Variants in SH3GL2 observed in about 807,000 individuals in gnomAD.
SH3GL2 encodes the protein endophilin-A1.
A neutral mutation model predicts 46.0 loss-of-function variants in SH3GL2; 24 were observed. That is an observed-to-expected ratio of 0.52 (90% CI 0.38 to 0.73). The LOEUF is 0.73. Among genes scored for constraint, SH3GL2 ranks in the 30% least tolerant of loss-of-function variants. The pLI is 0.00. For synonymous variants in SH3GL2, 196 were observed against 147.1 expected, an observed-to-expected ratio of 1.33 and a Z score of -2.40; for missense variants, 413 against 424.2, an observed-to-expected ratio of 0.97 and a Z score of 0.23.
chr9:17,637,391 C>A (rs570194014), intron 1 of SH3GL2, among the ~76,000 whole-genome samples: 19 of 152,184 alleles, frequency 1.2e-4, no homozygotes, highest in Admixed American at 1.2e-3. Context: ...CATTGAATTC[C>A]CATAAACGTC....
At chr9:17,620,291 C>T (rs1459927662) in intron 1 of SH3GL2, among the ~76,000 whole-genome samples, 2 of 152,142 alleles carry the variant, frequency 1.3e-5, no homozygotes, top group African/African-American at 4.8e-5. Flanking sequence ...ATCTGCTACG[C>T]ACCATACACT....
chr9:17,701,128 G>C (rs566748425), intron 1 of SH3GL2, among the ~76,000 whole-genome samples: 1 of 152,198 alleles, frequency 6.6e-6, no homozygotes, highest in East Asian at 1.9e-4. Context: ...TGAAAATGGA[G>C]TCACAAACCC....
At chr9:17,612,998 G>T (rs117969881) in intron 1 of SH3GL2, among the ~76,000 whole-genome samples, 2 of 152,054 alleles carry the variant, frequency 1.3e-5, no homozygotes, top group Admixed American at 6.5e-5. Context: ...ATCTTGTAGC[G>T]TGTATCAATG....
chr9:17,688,680 A>G (rs990131389), intron 1 of SH3GL2, among the ~76,000 whole-genome samples: 1 of 152,082 alleles, frequency 6.6e-6, no homozygotes, highest in Admixed American at 6.6e-5. Flanking sequence ...GAACATGCTG[A>G]TGGGAGTATG....
intron 1 of SH3GL2, among the ~76,000 whole-genome samples, chr9:17,665,713 G>C (rs2117920415): frequency 6.6e-6 from 1 of 151,758 alleles, no homozygotes; most frequent in East Asian, 1.9e-4. Context: ...GAATCAGCCA[G>C]TACTCTAAGG....
chr9:17,635,740 G>C (rs1794520327), intron 1 of SH3GL2, among the ~76,000 whole-genome samples: 1 of 152,154 alleles, frequency 6.6e-6, no homozygotes, highest in South Asian at 2.1e-4. Flanking sequence ...ATGTCTCTTG[G>C]AGTCAGCTGT....
chr9:17,695,647 C>A (rs1008047385), intron 1 of SH3GL2, among the ~76,000 whole-genome samples: 1 of 151,600 alleles, frequency 6.6e-6, no homozygotes, highest in Admixed American at 6.6e-5. Flanking sequence ...ATTGATGCTC[C>A]CGGGTGGTAG....
chr9:17,784,128 T>C (rs1476770688), intron 3 of SH3GL2, among the ~76,000 whole-genome samples: 1 of 152,172 alleles, frequency 6.6e-6, no homozygotes, highest in African/African-American at 2.4e-5. Flanking sequence ...TAGTAGGCTT[T>C]TTTTAATCAT....
At chr9:17,693,429 A>T (rs1159373370) in intron 1 of SH3GL2, among the ~76,000 whole-genome samples, 2 of 152,122 alleles carry the variant, frequency 1.3e-5, no homozygotes, top group African/African-American at 4.8e-5. Context: ...AGGAGTTGCC[A>T]TTACTTCTGT....
intron 1 of SH3GL2, among the ~76,000 whole-genome samples, chr9:17,692,971 G>A (rs75191686): frequency 6.6e-6 from 1 of 152,082 alleles, no homozygotes; most frequent in East Asian, 1.9e-4. Flanking sequence ...AGCAAGGGGA[G>A]AGACCAGCTA....
intron 1 of SH3GL2, among the ~76,000 whole-genome samples, chr9:17,723,375 A>G (rs1053805705): frequency 2.0e-5 from 3 of 152,158 alleles, no homozygotes; most frequent in Admixed American, 6.5e-5. Context: ...CTTCAGTATC[A>G]TGTACATGGT....
intron 1 of SH3GL2, among the ~76,000 whole-genome samples, chr9:17,691,435 C>T (rs75043199): frequency 0.023 from 3,451 of 152,110 alleles, 54 homozygotes; most frequent in Non-Finnish European, 0.034. Flanking sequence ...CTTAGAAAAA[C>T]GTACTTAGGA....
At chr9:17,632,036 T>C (rs901546286) in intron 1 of SH3GL2, among the ~76,000 whole-genome samples, 2 of 152,210 alleles carry the variant, frequency 1.3e-5, no homozygotes. Flanking sequence ...GGAAAGATTT[T>C]AAGATAGCTT....
intron 1 of SH3GL2, among the ~76,000 whole-genome samples, chr9:17,698,475 T>A (rs571856392): frequency 6.6e-6 from 1 of 152,318 alleles, no homozygotes; most frequent in East Asian, 1.9e-4. Flanking sequence ...CCTTGGAAAG[T>A]ATTTTTTTAA....
chr9:17,683,989 A>G (rs938209223), intron 1 of SH3GL2, among the ~76,000 whole-genome samples: 2 of 152,086 alleles, frequency 1.3e-5, no homozygotes, highest in Non-Finnish European at 2.9e-5. Context: ...CACAAATACT[A>G]CATACCTCAG....
At chr9:17,683,992 T>C (rs917445686) in intron 1 of SH3GL2, among the ~76,000 whole-genome samples, 1 of 152,112 alleles carries the variant, frequency 6.6e-6, no homozygotes, top group African/African-American at 2.4e-5. Context: ...AAATACTACA[T>C]ACCTCAGTCT....
rs144759576 is a variant in SH3GL2 at position 17,647,411 on chromosome 9, T to TTCTCTCTC, written c.45+68134_45+68141dup. ...GCCCTGTGACAGAGCTCTTGTTAGT[T>TTCTCTCTC]TCTCTCTCTCTCTCTCTGTCTCTCT... On this transcript the variant is annotated intron_variant, in intron 1 of 8. Coordinates refer to ENST00000380607, the MANE Select transcript of SH3GL2 (RefSeq NM_003026.5). 2.8e-4 allele frequency among the ~76,000 whole-genome samples: 42 copies of TTCTCTCTC among 150,434 alleles called. No individual in the cohort carries two copies. The South Asian group carries it at 4.8e-3, about 17-fold the overall frequency.
At chr9:17,676,139 G>A (rs1261377410) in intron 1 of SH3GL2, among the ~76,000 whole-genome samples, 1 of 152,102 alleles carries the variant, frequency 6.6e-6, no homozygotes, top group Non-Finnish European at 1.5e-5. Flanking sequence ...GTAGACCTAA[G>A]TTTTTACCCT....
chr9:17,595,573 A>G (rs1475391742), intron 1 of SH3GL2, among the ~76,000 whole-genome samples: 1 of 152,202 alleles, frequency 6.6e-6, no homozygotes, highest in Non-Finnish European at 1.5e-5. Context: ...TAAATGTATA[A>G]GTATGTACAA....
Sources: allele counts gnomAD v4.1 joint callset (sites outside exome capture counted in the v4.1 genomes callset), GRCh38; gene constraint gnomAD v4.1.1; transcripts MANE v1.5; gene names NCBI Gene and HGNC (gene_info 2026-07-23, HGNC 2026-07-21).